Variants in RAD51B observed in about 807,000 individuals in gnomAD.
The protein encoded by RAD51B is RAD51 paralog B.
In RAD51B, 38 loss-of-function variants were observed where a neutral mutation model predicts 42.2. The ratio of observed to expected loss-of-function variants is 0.90; its 90% CI spans 0.70 to 1.18. The LOEUF (loss-of-function observed/expected upper bound fraction) is 1.18, where lower values mean the gene tolerates loss of function less well. Ranked by LOEUF, RAD51B falls within the 50% of genes most tolerant of loss-of-function variation. The pLI is 0.00. For missense variants in RAD51B, 373 were observed against 400.7 expected (o/e 0.93, Z 0.59); for synonymous variants, 154 against 145.2 (o/e 1.06, Z -0.43).
intron 1 of RAD51B, 82 bp downstream of exon 1, chr14:67,819,935 G>C (rs1366331414): frequency 1.3e-5 from 2 of 152,188 alleles, no homozygotes; most frequent in Non-Finnish European, 2.9e-5. Context: ...TAGGCTCGTG[G>C]GTTTCGATAT....
chr14:68,323,726 C>T (rs778858875), intron 8 of RAD51B, among the ~76,000 whole-genome samples: 1 of 152,274 alleles, frequency 6.6e-6, no homozygotes, highest in East Asian at 1.9e-4. Flanking sequence ...ACCTGGGAGG[C>T]GGAGGTTACA....
At chr14:68,614,816 A>G (rs1891792153), downstream of RAD51B, among the ~76,000 whole-genome samples, 2 of 152,244 alleles carry the variant, frequency 1.3e-5, no homozygotes, top group South Asian at 2.1e-4. Context: ...TAATGCTGCT[A>G]TGAACATTCA....
chr14:68,072,097 T>C lies in RAD51B; in HGVS notation c.756+184893T>C, dbSNP rs1255620251. 2.8e-5 allele frequency among the ~76,000 whole-genome samples: 3 copies of C among 106,818 alleles called. 1 individual carries two copies. The highest frequency in any genetic ancestry group is 5.7e-5 in the Non-Finnish European group (3 of 52,936). The allele number at this position is 106,818 out of a possible 152,430, so 70.1% of individuals were successfully genotyped here. A position where few individuals can be genotyped will look rare whatever the true frequency, so the allele number is the denominator to read the frequency against. Reference sequence around the variant, plus strand: ...TATATAAATATATATAAATATATAATATATAAAATATAAAAAATATATAAA... The same window carrying C: ...TATATAAATATATATAAATATATAACATATAAAATATAAAAAATATATAAA... On this transcript the variant is annotated intron_variant, in intron 7 of 10. Transcript: ENST00000471583.
chr14:67,871,109 A>G (rs2042513970), intron 5 of RAD51B, among the ~76,000 whole-genome samples: 1 of 152,196 alleles, frequency 6.6e-6, no homozygotes, highest in East Asian at 1.9e-4. Context: ...AAGGAAATAG[A>G]GACACAAAAA....
intron 9 of RAD51B, among the ~76,000 whole-genome samples, chr14:68,415,178 GTTTAT>G (rs1428164453): frequency 1.3e-5 from 2 of 151,896 alleles, no homozygotes; most frequent in Non-Finnish European, 2.9e-5. Flanking sequence ...GAGCATCAGT[GTTTAT>G]TTTATTTGTA....
chr14:67,862,419 C>CA (rs753212601), intron 4 of RAD51B, among the ~76,000 whole-genome samples: 2,326 of 117,108 alleles, frequency 0.02, 67 homozygotes, highest in African/African-American at 0.065. Flanking sequence ...TAAATGTAAG[C>CA]AAAAAAAAAA....
intron 7 of RAD51B, among the ~76,000 whole-genome samples, chr14:68,227,172 G>A (rs1413953345): frequency 6.6e-6 from 1 of 152,216 alleles, no homozygotes; most frequent in East Asian, 1.9e-4. Context: ...TATCCTCCAA[G>A]GTTTGGAGTC....
intron 10 of RAD51B, among the ~76,000 whole-genome samples, chr14:68,624,046 A>T (rs779371628): frequency 1.3e-5 from 2 of 152,074 alleles, no homozygotes; most frequent in Non-Finnish European, 2.9e-5. Context: ...AGACGAGGGG[A>T]AGTCGGCATT....
At chr14:68,207,077 A>G in intron 7 of RAD51B, among the ~76,000 whole-genome samples, 1 of 152,142 alleles carries the variant, frequency 6.6e-6, no homozygotes, top group Non-Finnish European at 1.5e-5. Context: ...GGCTTGAGCC[A>G]CCGCACCCGG....
At chr14:68,089,865 A>G (rs139055768) in intron 7 of RAD51B, among the ~76,000 whole-genome samples, 387 of 152,194 alleles carry the variant, frequency 2.5e-3, no homozygotes, top group African/African-American at 9.0e-3. Context: ...AAATGATATC[A>G]TTTTAGATTT....
chr14:68,657,305 G>C (rs758107283), intron 11 of RAD51B, among the ~76,000 whole-genome samples: 7 of 152,234 alleles, frequency 4.6e-5, no homozygotes, highest in Non-Finnish European at 8.8e-5. Context: ...TCATGGCTAG[G>C]GCATGCTGCT....
intron 7 of RAD51B, among the ~76,000 whole-genome samples, chr14:67,940,896 C>T (rs1170353673): frequency 6.6e-6 from 1 of 152,112 alleles, no homozygotes; most frequent in African/African-American, 2.4e-5. Flanking sequence ...ACTTTTTTCA[C>T]CCTTTACCTC....
At chr14:67,831,732 TGGGG>T in intron 3 of RAD51B, among the ~76,000 whole-genome samples, 1 of 151,708 alleles carries the variant, frequency 6.6e-6, no homozygotes, top group East Asian at 2.0e-4. Context: ...TTAGTAGAGA[TGGGG>T]TTTCTCCATG....
chr14:68,634,365 C>T (rs1051900266), intron 10 of RAD51B, among the ~76,000 whole-genome samples: 1 of 152,316 alleles, frequency 6.6e-6, no homozygotes. Context: ...AACCGAATGC[C>T]TTCAACAGTC....
At chr14:68,180,852 C>T (rs1352486967) in intron 7 of RAD51B, among the ~76,000 whole-genome samples, 2 of 152,196 alleles carry the variant, frequency 1.3e-5, no homozygotes, top group Non-Finnish European at 2.9e-5. Context: ...AACAACCATA[C>T]TGGCTGCTGT....
chr14:67,899,757 C>T (rs751674734), intron 7 of RAD51B, among the ~76,000 whole-genome samples: 1 of 152,142 alleles, frequency 6.6e-6, no homozygotes, highest in South Asian at 2.1e-4. Context: ...GTAGTGAGTA[C>T]ATTTTAAACA....
At chr14:68,088,188 T>A (rs1384438253) in intron 7 of RAD51B, among the ~76,000 whole-genome samples, 1 of 151,220 alleles carries the variant, frequency 6.6e-6, no homozygotes, top group Non-Finnish European at 1.5e-5. Context: ...GTCTTTGGTA[T>A]AAGTTTTTGT....
At chr14:68,150,491 A>G (rs1291321776) in intron 7 of RAD51B, among the ~76,000 whole-genome samples, 1 of 152,180 alleles carries the variant, frequency 6.6e-6, no homozygotes, top group Non-Finnish European at 1.5e-5. Context: ...GATTTCTTTC[A>G]TGAAAGTTTT....
At chr14:68,013,730 A>AT (rs147037610) in intron 7 of RAD51B, among the ~76,000 whole-genome samples, 4 of 152,308 alleles carry the variant, frequency 2.6e-5, no homozygotes, top group African/African-American at 9.6e-5. Flanking sequence ...AACATTAAAT[A>AT]TTTTGGATGC....
Sources: gnomAD v4.1 joint callset for allele counts (sites outside exome capture counted in the v4.1 genomes callset) on GRCh38, gnomAD v4.1.1 for gene constraint, MANE v1.5 for transcripts, NCBI Gene and HGNC (gene_info 2026-07-23, HGNC 2026-07-21) for gene names.